OSBPL1A: variants seen among roughly 807,000 people sequenced by gnomAD.
The protein encoded by OSBPL1A is oxysterol binding protein like 1A.
In OSBPL1A, 80 loss-of-function variants were observed where a neutral mutation model predicts 137.1. The ratio of observed to expected loss-of-function variants is 0.58; its 90% CI spans 0.49 to 0.70. The LOEUF is 0.70. OSBPL1A is among the 30% of genes least tolerant of loss of function. OSBPL1A has a pLI of 0.00. For synonymous variants in OSBPL1A, 365 were observed against 389.7 expected (o/e 0.94, Z 0.75); for missense variants, 970 against 1,129.4 (o/e 0.86, Z 2.02).
intron 17 of OSBPL1A, among the ~76,000 whole-genome samples, chr18:24,196,463 G>A (rs2087035703): frequency 6.6e-6 from 1 of 152,066 alleles, no homozygotes; most frequent in Admixed American, 6.5e-5. Flanking sequence ...CCCAGTCCTT[G>A]GGATCCAGCT....
chr18:24,170,911 G>A (rs1003727563), intron 23 of OSBPL1A, among the ~76,000 whole-genome samples: 1 of 150,324 alleles, frequency 6.7e-6, no homozygotes, highest in Non-Finnish European at 1.5e-5. Flanking sequence ...GCCTCCCAAA[G>A]TGCTGGGAAT....
At chr18:24,381,075 TGAAAG>T (rs1906557226) in intron 1 of OSBPL1A, among the ~76,000 whole-genome samples, 1 of 152,082 alleles carries the variant, frequency 6.6e-6, no homozygotes, top group South Asian at 2.1e-4. Flanking sequence ...CGTTAAAGCA[TGAAAG>T]GAAAGACTTT....
chr18:24,315,671 T>G lies in OSBPL1A; in HGVS notation c.871-1324A>C, dbSNP rs1441372568. On this transcript the variant is annotated intron_variant, in intron 11 of 27. Coordinates refer to ENST00000319481, the MANE Select transcript of OSBPL1A (RefSeq NM_080597.4). ...AAATATAAAATTATAATATAATATATAATATATAATAAAGTATATTATATA... is the reference window on the plus strand; with the variant it reads ...AAATATAAAATTATAATATAATATAGAATATATAATAAAGTATATTATATA... Among the ~76,000 whole-genome samples, 4 of 130,590 alleles carry G rather than the reference T, an allele frequency of 3.1e-5. No individual in the cohort carries two copies. In the East Asian group the frequency reaches 8.0e-4, roughly 26 times the overall value. 85.7% of individuals were successfully genotyped at this position (130,590 alleles called of 152,430 possible).
chr18:24,197,884 T>G (rs1299398807), intron 17 of OSBPL1A, among the ~76,000 whole-genome samples: 1 of 151,526 alleles, frequency 6.6e-6, no homozygotes, highest in Admixed American at 6.6e-5. Context: ...CCTCCCGGGT[T>G]CAAGCGATTC....
At chr18:24,180,475 G>T (rs909545103) in intron 19 of OSBPL1A, among the ~76,000 whole-genome samples, 2 of 128,970 alleles carry the variant, frequency 1.6e-5, no homozygotes, top group African/African-American at 4.9e-5. Context: ...GTGTGTGTGT[G>T]TGTGTGTGTA....
In OSBPL1A at chr18:24,394,237, C is replaced by G. The variant is rs1055855646; in HGVS notation, c.-3+3418G>C. ...TCTCTTATTCATATCCATTCCATAC[C>G]CACACCAACTTGGATACCATACGGA... On this transcript the variant is annotated intron_variant, in intron 1 of 27. Transcript: ENST00000319481. Among the ~76,000 whole-genome samples, 6 of 152,128 alleles carry G rather than the reference C, an allele frequency of 3.9e-5. No homozygotes were observed. In the East Asian group the frequency reaches 1.2e-3, roughly 29 times the overall value.
chr18:24,348,401 G>T (rs890822739), intron 4 of OSBPL1A, among the ~76,000 whole-genome samples: 1 of 152,016 alleles, frequency 6.6e-6, no homozygotes, highest in African/African-American at 2.4e-5. Flanking sequence ...ATACGAGGAA[G>T]GTATTATTAT....
intron 18 of OSBPL1A, among the ~76,000 whole-genome samples, chr18:24,191,640 A>G (rs1048390566): frequency 4.6e-5 from 7 of 152,252 alleles, no homozygotes; most frequent in African/African-American, 1.4e-4. Flanking sequence ...AAAGTCTTAT[A>G]GAATATAGCT....
chr18:24,325,568 C>A (rs1048125379), intron 7 of OSBPL1A, among the ~76,000 whole-genome samples: 8 of 152,190 alleles, frequency 5.3e-5, no homozygotes, highest in African/African-American at 1.9e-4. Context: ...AGATACCCCC[C>A]ATCCTACCAT....
intron 7 of OSBPL1A, among the ~76,000 whole-genome samples, chr18:24,320,867 A>G (rs1167248198): frequency 6.6e-6 from 1 of 151,860 alleles, no homozygotes; most frequent in African/African-American, 2.4e-5. Flanking sequence ...CATCTCTACT[A>G]AAAATACAAA....
intron 11 of OSBPL1A, among the ~76,000 whole-genome samples, chr18:24,316,213 A>T (rs912679276): frequency 6.6e-6 from 1 of 152,050 alleles, no homozygotes; most frequent in African/African-American, 2.4e-5. Flanking sequence ...GTAAGCTGAG[A>T]TCGTGCCACT....
At chr18:24,339,517 T>C (rs973948474) in intron 5 of OSBPL1A, among the ~76,000 whole-genome samples, 9 of 152,222 alleles carry the variant, frequency 5.9e-5, no homozygotes, top group African/African-American at 1.2e-4. Context: ...CTTTTTCTTG[T>C]GCAGTTTGAG....
chr18:24,382,677 A>T (rs1310762307), intron 1 of OSBPL1A, among the ~76,000 whole-genome samples: 2 of 151,554 alleles, frequency 1.3e-5, no homozygotes, highest in Non-Finnish European at 2.9e-5. Context: ...GGAGATCAAG[A>T]CCAGCCTGGG....
At chr18:24,250,752 C>T (rs1444319467) in intron 15 of OSBPL1A, among the ~76,000 whole-genome samples, 1 of 152,202 alleles carries the variant, frequency 6.6e-6, no homozygotes, top group African/African-American at 2.4e-5. Flanking sequence ...CTTTGTCTTG[C>T]ACCTTAAGTA....
chr18:24,382,909 G>A (rs1301373768), intron 1 of OSBPL1A, among the ~76,000 whole-genome samples: 1 of 151,952 alleles, frequency 6.6e-6, no homozygotes, highest in Non-Finnish European at 1.5e-5. Context: ...AGAAAAAAAT[G>A]TTTAAATAAT....
At chr18:24,306,950 C>T (rs1021852946) in intron 13 of OSBPL1A, among the ~76,000 whole-genome samples, 7 of 152,052 alleles carry the variant, frequency 4.6e-5, no homozygotes, top group Admixed American at 4.6e-4. Context: ...CAGCCAAATC[C>T]ACTTCAAAGA....
At chr18:24,348,895 C>T (rs766736352) in intron 4 of OSBPL1A, among the ~76,000 whole-genome samples, 3 of 152,042 alleles carry the variant, frequency 2.0e-5, no homozygotes, top group African/African-American at 4.8e-5. Flanking sequence ...TGGTCAGGTG[C>T]GGTGGCTCAC....
At chr18:24,368,474 A>G in intron 2 of OSBPL1A, 102 bp from the exon 3 acceptor site, 2 of 842,458 alleles carry the variant, frequency 2.4e-6, no homozygotes, top group Non-Finnish European at 3.9e-6. Context: ...CTCCTTTGCA[A>G]TGCATTGCTG....
intron 17 of OSBPL1A, among the ~76,000 whole-genome samples, chr18:24,219,597 C>G (rs2145979727): frequency 6.6e-6 from 1 of 152,248 alleles, no homozygotes; most frequent in Non-Finnish European, 1.5e-5. Context: ...AATAATCACT[C>G]ATCTAGACTA....
Sources: allele counts gnomAD v4.1 joint callset (sites outside exome capture counted in the v4.1 genomes callset), GRCh38; gene constraint gnomAD v4.1.1; transcripts MANE v1.5; gene names NCBI Gene and HGNC (gene_info 2026-07-23, HGNC 2026-07-21).